ZMIZ2: variants seen among roughly 807,000 people sequenced by gnomAD.
ZMIZ2 encodes the protein zinc finger MIZ domain-containing protein 2.
A neutral mutation model predicts 93.9 loss-of-function variants in ZMIZ2; 26 were observed. The ratio of observed to expected loss-of-function variants is 0.28; its 90% CI spans 0.20 to 0.38. The LOEUF is 0.38. Among genes scored for constraint, ZMIZ2 ranks in the 10% least tolerant of loss-of-function variants. ZMIZ2 has a pLI of 1.00. For synonymous variants in ZMIZ2, 485 were observed against 516.4 expected, an observed-to-expected ratio of 0.94 and a Z score of 0.82; for missense variants, 1,023 against 1,235.0, an observed-to-expected ratio of 0.83 and a Z score of 2.57.
chr7:44,759,831 G>A (rs1790985625), intron 7 of ZMIZ2: 1 of 475,726 alleles, frequency 2.1e-6, no homozygotes, highest in Non-Finnish European at 3.7e-6. Context: ...GAGAGGACAG[G>A]CCCTCGCTGC....
chr7:44,758,178 G>A (rs1389665476), intron 6 of ZMIZ2, 70 bp downstream of exon 6: 8 of 1,453,548 alleles, frequency 5.5e-6, no homozygotes, highest in Non-Finnish European at 7.2e-6. Context: ...CTTTAGAGCT[G>A]TGGTAAAGAG....
chr7:44,763,788 G>T lies in ZMIZ2; in HGVS notation c.1860+375G>T. 4.3e-6 allele frequency: 1 copy of T among 232,342 alleles called. No individual in the cohort carries two copies. Among genetic ancestry groups the T allele is most frequent in the Non-Finnish European group, 8.5e-6 (1 of 117,316 alleles). 14.4% of individuals were successfully genotyped at this position (232,342 alleles called of 1,614,324 possible). The stretch of plus-strand genomic sequence containing the variant: ...AGATGCACAGCCCACTGTCTCTGTG[G>T]TTACATAGTGGTCCCTATTGCACAA... On this transcript the variant is annotated intron_variant, in intron 13 of 18. Transcript: ENST00000309315. This position sits in a 1 kb window ranked among gnomAD's most constrained non-coding sequence, Gnocchi z 5.6.
chr7:44,757,750 G>A (rs1010906684), intron 5 of ZMIZ2, 98 bp from the exon 6 acceptor site: 28 of 1,031,396 alleles, frequency 2.7e-5, no homozygotes, highest in African/African-American at 2.2e-4. Context: ...CTGTGAAAGG[G>A]TATGGTGCCC....
intron 8 of ZMIZ2, 28 bp downstream of exon 8, chr7:44,760,256 C>G: frequency 6.2e-7 from 1 of 1,601,390 alleles, no homozygotes; most frequent in South Asian, 1.1e-5. Context: ...GAGGATGGGC[C>G]GGGAGGCTCA....
At position 44,765,838 on chromosome 7, in the gene ZMIZ2, G is replaced by A. The variant is rs1791656317; in HGVS notation, c.2242+259G>A. 11 of 1,101,492 alleles carry A rather than the reference G, an allele frequency of 1.0e-5. No individual in the cohort carries two copies. In the South Asian group the frequency reaches 1.4e-4, roughly 14 times the overall value. The allele number at this position is 1,101,492 out of a possible 1,614,324, so 68.2% of individuals were successfully genotyped here. A position where few individuals can be genotyped will look rare whatever the true frequency, so the allele number is the denominator to read the frequency against. ...CCTTCCTTCCCCGTTTGGATTAAGG[G>A]GCTCCTGGCTGGAACACCTCACAGG... On this transcript the variant is annotated intron_variant, in intron 16 of 18. Coordinates refer to ENST00000309315, the MANE Select transcript of ZMIZ2 (RefSeq NM_031449.4). This position sits in a 1 kb window ranked among gnomAD's most constrained non-coding sequence, Gnocchi z 4.1.
At chr7:44,760,620 G>A (rs779680672) in intron 9 of ZMIZ2, 27 bp downstream of exon 9, 33 of 1,612,432 alleles carry the variant, frequency 2.0e-5, no homozygotes, top group East Asian at 6.7e-5. Context: ...TTGGGACAGC[G>A]GGGTGACAAG....
At position 44,757,166 on chromosome 7, in the gene ZMIZ2, A is replaced by G; in HGVS notation, c.368+17A>G. On this transcript the variant is annotated intron_variant, in intron 4 of 18. Coordinates refer to ENST00000309315, the MANE Select transcript of ZMIZ2 (RefSeq NM_031449.4). Reference sequence around the variant, plus strand: ...CACCACCGGGTAAGCAAGTTCCCTCACCTGGCAGGTATGCTAGGAGCCATC... The same window carrying G: ...CACCACCGGGTAAGCAAGTTCCCTCGCCTGGCAGGTATGCTAGGAGCCATC... The G allele has an allele frequency of 6.3e-7, 1 of 1,587,998 alleles. No individual in the cohort carries two copies. Among genetic ancestry groups the G allele is most frequent in the Non-Finnish European group, 8.5e-7 (1 of 1,173,478 alleles).
At chr7:44,757,682 T>C in intron 5 of ZMIZ2, 121 bp downstream of exon 5, 1 of 1,336,758 alleles carries the variant, frequency 7.5e-7, no homozygotes, top group African/African-American at 1.6e-5. Context: ...ATGAAGCCAG[T>C]AAAAGAGAGA....
Position 44,765,914 on chromosome 7 carries a change from CGTTT to C in ZMIZ2, c.2243-243_2243-240del. On this transcript the variant is annotated intron_variant, in intron 16 of 18. Transcript: ENST00000309315. The surrounding 1 kb of genome is among the most constrained non-coding windows in gnomAD (Gnocchi z 4.1). ...TGGGACCCACCTCACACGCGTGGTG[CGTTT>C]GTTTGTGGCTGCTCCCATTCCTATA... is the stretch of plus-strand genomic sequence containing the variant. 1.4e-6 allele frequency: 2 copies of C among 1,396,678 alleles called. No individual in the cohort carries two copies. Among genetic ancestry groups the C allele is most frequent in the Admixed American group, 3.3e-5 (1 of 30,306 alleles). The allele number at this position is 1,396,678 out of a possible 1,614,324, so 86.5% of individuals were successfully genotyped here. A position where few individuals can be genotyped will look rare whatever the true frequency, so the allele number is the denominator to read the frequency against.
chr7:44,748,744 CCCCCGCCCCGAGCGCCG>C (rs1028390568), upstream of ZMIZ2: 4 of 150,708 alleles, frequency 2.7e-5, no homozygotes, highest in South Asian at 2.0e-4. Flanking sequence ...CTCGCGGCCG[CCCCCGCCCCGAGCGCCG>C]GCTCGGGGCT....
intron 11 of ZMIZ2, 144 bp from the exon 12 acceptor site, chr7:44,762,737 C>A: frequency 1.5e-6 from 1 of 649,252 alleles, no homozygotes. Flanking sequence ...TTGGCTGAAT[C>A]CCCACCCCCA....
chr7:44,758,622 A>G (rs1298618676), intron 6 of ZMIZ2, among the ~76,000 whole-genome samples: 2 of 151,398 alleles, frequency 1.3e-5, no homozygotes, highest in East Asian at 3.9e-4. Context: ...CTAATAATAG[A>G]AAAAATTAGG....
Position 44,756,191 on chromosome 7 carries a change from G to A in ZMIZ2, c.-59G>A, listed in dbSNP as rs1484729437. On this transcript the variant is annotated 5_prime_UTR_variant, in exon 2 of 19. Coordinates refer to ENST00000309315, the MANE Select transcript of ZMIZ2 (RefSeq NM_031449.4). ...TCCCTTCCTTCCTGTCGGGCAGCCA[G>A]AGCAGCTGAGTTCCAGATAAAAACT... The A allele has an allele frequency of 1.2e-6, 2 of 1,612,486 alleles. No individual in the cohort carries two copies. The highest frequency in any genetic ancestry group is 2.2e-5 in the East Asian group (1 of 44,880).
In ZMIZ2 at chr7:44,766,286, A is replaced by T. The variant is rs1436578887; in HGVS notation, c.2365A>T (p.Ser789Cys). The change falls in exon 17 of 19, where the codon AGC becomes TGC. Residue 789 changes from serine (S) to cysteine (C), a missense_variant. Around this residue, in one of 3 missense-constraint regions of ZMIZ2, gnomAD observed 319 missense variants for 358.8 expected, o/e 0.89. Transcript: ENST00000309315. This position sits in a 1 kb window ranked among gnomAD's most constrained non-coding sequence, Gnocchi z 4.4. ...CATCTCCTACCAGTCTGACATTCCC[A>T]GCAGCCTCCTGACTTCAGAGAAGTC... The part of the protein sequence containing the change: ...PPISYQSDIP[S>C]SLLTSEKSTA... 4 of 1,580,124 alleles carry T rather than the reference A, an allele frequency of 2.5e-6. No individual in the cohort carries two copies. The African/African-American group carries it at 5.5e-5, about 22-fold the overall frequency.
At chr7:44,760,276 C>T (rs377515014) in intron 8 of ZMIZ2, 48 bp downstream of exon 8, 36 of 1,587,140 alleles carry the variant, frequency 2.3e-5, no homozygotes, top group Non-Finnish European at 2.9e-5. Flanking sequence ...ACAGGGTGGG[C>T]ATATGGAGAG....
At chr7:44,764,914 G>C (rs1562745865) in intron 14 of ZMIZ2, 27 bp from the exon 15 acceptor site, 1 of 1,613,556 alleles carries the variant, frequency 6.2e-7, no homozygotes, top group African/African-American at 1.3e-5. Context: ...CAAGGTCTCT[G>C]AGCTGTGTCC....
chr7:44,752,050 A>G (rs1790196586), intron 1 of ZMIZ2, among the ~76,000 whole-genome samples: 1 of 152,252 alleles, frequency 6.6e-6, no homozygotes, highest in Admixed American at 6.5e-5. Context: ...GTTTGCCCCA[A>G]TGGTAACATC....
chr7:44,756,421 G>A lies in ZMIZ2; in HGVS notation c.51-4G>A. 2 of 1,614,044 alleles carry A rather than the reference G, an allele frequency of 1.2e-6. No homozygotes were observed. Among genetic ancestry groups the A allele is most frequent in the Non-Finnish European group, 1.7e-6 (2 of 1,180,022 alleles). ...CCAGGCCTCAGCAGCCTCTTTCCCT[G>A]CAGTGATGGTTCATTCGCATATGAG... On this transcript the variant is annotated splice_polypyrimidine_tract_variant and splice_region_variant and intron_variant, in intron 2 of 18. Coordinates refer to ENST00000309315, the MANE Select transcript of ZMIZ2 (RefSeq NM_031449.4).
Position 44,763,697 on chromosome 7 carries a change from C to T in ZMIZ2, c.1860+284C>T. The T allele has an allele frequency of 2.3e-6, 1 of 435,466 alleles. No homozygotes were observed. The highest frequency in any genetic ancestry group is 4.2e-6 in the Non-Finnish European group (1 of 240,902). 27.0% of individuals were successfully genotyped at this position (435,466 alleles called of 1,614,324 possible). ...AAGATTGCAGGGTCCAGTCTTCCTG[C>T]CCTACCCCCAAGGGTGACCATCGTT... On this transcript the variant is annotated intron_variant, in intron 13 of 18. Coordinates refer to ENST00000309315, the MANE Select transcript of ZMIZ2 (RefSeq NM_031449.4). The surrounding 1 kb of genome is among the most constrained non-coding windows in gnomAD (Gnocchi z 5.6).
Sources: allele counts gnomAD v4.1 joint callset (sites outside exome capture counted in the v4.1 genomes callset), GRCh38; gene constraint gnomAD v4.1.1; regional missense constraint gnomAD v4.1.1; non-coding constraint Gnocchi (gnomAD v3.1); transcripts MANE v1.5; gene names NCBI Gene and HGNC (gene_info 2026-07-23, HGNC 2026-07-21).